The following STON2 variants were observed in gnomAD, a reference collection of about 807,000 sequenced individuals.
The protein encoded by STON2 is stonin-2.
STON2 carries 29 observed loss-of-function variants against 65.7 expected under a neutral mutation model. The observed-to-expected ratio is 0.44, with a 90% CI of 0.33 to 0.60. The LOEUF is 0.60. Ranked by LOEUF, STON2 falls within the 20% of genes least tolerant of loss-of-function variation. The probability of loss-of-function intolerance (pLI) is 0.03; values close to 1 mark genes in which losing one functional copy is unlikely to be tolerated. For missense variants in STON2, 1,054 were observed against 1,118.1 expected (o/e 0.94, Z 0.82); for synonymous variants, 404 against 414.2 (o/e 0.98, Z 0.30).
chr14:81,266,725 T>A lies in STON2; in HGVS notation c.*1689A>T. On this transcript the variant is annotated 3_prime_UTR_variant, in exon 8 of 8. Coordinates refer to ENST00000614646, the MANE Select transcript of STON2 (RefSeq NM_001394390.1). ...GCCATGATATATTTCTGATTCAACATTGAACCTCCATTTCTGTAAGGAAAT... is the reference window on the plus strand; with the variant it reads ...GCCATGATATATTTCTGATTCAACAATGAACCTCCATTTCTGTAAGGAAAT... 1 of 985,384 alleles carries A rather than the reference T, an allele frequency of 1.0e-6. No individual in the cohort carries two copies. Among genetic ancestry groups the A allele is most frequent in the East Asian group, 1.1e-4 (1 of 8,820 alleles). 61.0% of individuals were successfully genotyped at this position (985,384 alleles called of 1,614,324 possible). A position where few individuals can be genotyped will look rare whatever the true frequency, so the allele number is the denominator to read the frequency against.
chr14:81,366,536 C>T (rs1224458199), intron 4 of STON2, among the ~76,000 whole-genome samples: 2 of 152,064 alleles, frequency 1.3e-5, no homozygotes, highest in Non-Finnish European at 2.9e-5. Context: ...ACTCTTCAAC[C>T]TCTACCACCC....
At position 81,270,532 on chromosome 14, in the gene STON2, T is replaced by C. The variant is rs766829915; in HGVS notation, c.2784+138A>G. ...ATCAGAGCAGACGCACCCACAGCTA[T>C]GTATGGTGAACTTCCTCTAAGGCAG... On this transcript the variant is annotated intron_variant, in intron 7 of 7. Transcript: ENST00000614646. 5.7e-6 allele frequency: 9 copies of C among 1,572,782 alleles called. No individual in the cohort carries two copies. In the Admixed American group the frequency reaches 1.2e-4, roughly 21 times the overall value.
At chr14:81,268,657 T>C (rs11625861) in intron 7 of STON2, 160 bp from the exon 8 acceptor site, 514,635 of 981,738 alleles carry the variant, frequency 0.52, 139,071 homozygotes, top group Middle Eastern at 0.55. Flanking sequence ...GAGTATATCA[T>C]GTCTCTCTCT....
chr14:81,362,037 T>C lies in STON2; in HGVS notation c.571+8951A>G, dbSNP rs1381584544. On this transcript the variant is annotated intron_variant, in intron 4 of 7. Coordinates refer to ENST00000614646, the MANE Select transcript of STON2 (RefSeq NM_001394390.1). ...AGAAAAGGGAACCCTTGTATAATGT[T>C]GGTGGGAATGCAATTTAGTACAGCC... Among the ~76,000 whole-genome samples the C allele has an allele frequency of 2.0e-5, 3 of 152,162 alleles. No individual in the cohort carries two copies. In the East Asian group the frequency reaches 5.8e-4, roughly 29 times the overall value.
chr14:81,400,196 C>T (rs1900534626), intron 1 of STON2, among the ~76,000 whole-genome samples, 83 bp downstream of exon 1: 1 of 152,128 alleles, frequency 6.6e-6, no homozygotes, highest in African/African-American at 2.4e-5. Flanking sequence ...TCTCCAAGTC[C>T]CTCTCCTAGG....
chr14:81,364,178 T>C (rs1431456397), intron 4 of STON2, among the ~76,000 whole-genome samples: 2 of 152,164 alleles, frequency 1.3e-5, no homozygotes, highest in African/African-American at 2.4e-5. Context: ...TCAAAATCTC[T>C]AGGGATATCC....
chr14:81,392,845 A>G (rs1368136163), intron 3 of STON2, among the ~76,000 whole-genome samples: 1 of 152,234 alleles, frequency 6.6e-6, no homozygotes, highest in Non-Finnish European at 1.5e-5. Flanking sequence ...CATCAAGGAT[A>G]TTATTGGGTG....
chr14:81,435,271 T>C (rs12896506), intron 1 of STON2, among the ~76,000 whole-genome samples: 51,670 of 152,050 alleles, frequency 0.34, 9,794 homozygotes, highest in Non-Finnish European at 0.42. Flanking sequence ...AGCATTTTTT[T>C]CCTTTCAAGT....
chr14:81,388,818 C>G (rs559746189), intron 3 of STON2, among the ~76,000 whole-genome samples: 10 of 152,308 alleles, frequency 6.6e-5, no homozygotes, highest in African/African-American at 1.7e-4. Context: ...GCTACTTCCT[C>G]TGTGTGTGTT....
At chr14:81,362,738 G>T (rs1303046125) in intron 4 of STON2, among the ~76,000 whole-genome samples, 1 of 151,876 alleles carries the variant, frequency 6.6e-6, no homozygotes, top group Non-Finnish European at 1.5e-5. Flanking sequence ...ACATAACTTT[G>T]TACCCCATAA....
chr14:81,387,225 T>C (rs890575469), intron 3 of STON2, among the ~76,000 whole-genome samples: 2 of 152,112 alleles, frequency 1.3e-5, no homozygotes, highest in African/African-American at 4.8e-5. Flanking sequence ...ATGCATCTAG[T>C]TCAGAGTTCA....
chr14:81,426,909 TG>T (rs1566955471), intron 2 of STON2, among the ~76,000 whole-genome samples: 1 of 152,200 alleles, frequency 6.6e-6, no homozygotes, highest in Non-Finnish European at 1.5e-5. Flanking sequence ...CAAATCATGA[TG>T]TTCACCTACC....
At chr14:81,361,473 T>C (rs1377025093) in intron 4 of STON2, among the ~76,000 whole-genome samples, 1 of 152,024 alleles carries the variant, frequency 6.6e-6, no homozygotes, top group East Asian at 1.9e-4. Flanking sequence ...TAGACCCTTA[T>C]CTCACACCAT....
At chr14:81,275,055 A>G (rs1044868051) in intron 6 of STON2, among the ~76,000 whole-genome samples, 1 of 152,050 alleles carries the variant, frequency 6.6e-6, no homozygotes, top group Admixed American at 6.6e-5. Context: ...TCTCTTGATC[A>G]GTCTTTTCCT....
chr14:81,288,562 C>T (rs1213399229), intron 5 of STON2, among the ~76,000 whole-genome samples: 1 of 152,154 alleles, frequency 6.6e-6, no homozygotes, highest in African/African-American at 2.4e-5. Context: ...GGACCACTGA[C>T]ATACACGTGT....
At chr14:81,415,542 C>T (rs1215402247) in intron 2 of STON2, among the ~76,000 whole-genome samples, 3 of 151,700 alleles carry the variant, frequency 2.0e-5, no homozygotes, top group Non-Finnish European at 4.4e-5. Context: ...TGGTGGTGCA[C>T]ACCTGTAGTC....
At chr14:81,298,357 C>G (rs562781406) in intron 5 of STON2, among the ~76,000 whole-genome samples, 1 of 150,138 alleles carries the variant, frequency 6.7e-6, no homozygotes, top group East Asian at 2.0e-4. Context: ...CATCCACAGA[C>G]TAGTCTGAGG....
intron 5 of STON2, among the ~76,000 whole-genome samples, chr14:81,311,563 C>G (rs1896428007): frequency 1.3e-5 from 2 of 152,184 alleles, no homozygotes; most frequent in South Asian, 4.1e-4. Context: ...ATGACAGAGA[C>G]ATTCTATTAA....
chr14:81,267,215 CA>C lies in STON2; in HGVS notation c.*1198del, dbSNP rs1319504707. The C allele has an allele frequency of 3.0e-6, 3 of 985,204 alleles. No individual in the cohort carries two copies. The highest frequency in any genetic ancestry group is 3.6e-6 in the Non-Finnish European group (3 of 829,908). The allele number at this position is 985,204 out of a possible 1,614,324, so 61.0% of individuals were successfully genotyped here. On this transcript the variant is annotated 3_prime_UTR_variant, in exon 8 of 8. Transcript: ENST00000614646. ...AAAAGAAGATTAATTGTCCCAGAAA[CA>C]GATGAAGAAAAAGAAGATGGAGTGA...
Sources: gnomAD v4.1 joint callset for allele counts (sites outside exome capture counted in the v4.1 genomes callset) on GRCh38, gnomAD v4.1.1 for gene constraint, MANE v1.5 for transcripts, NCBI Gene and HGNC (gene_info 2026-07-23, HGNC 2026-07-21) for gene names.